LRBA: variants seen among roughly 807,000 people sequenced by gnomAD.
LRBA encodes LPS responsive beige-like anchor protein, also known as lipopolysaccharide-responsive and beige-like anchor protein.
LRBA carries 176 observed loss-of-function variants against 330.0 expected under a neutral mutation model. The ratio of observed to expected loss-of-function variants is 0.53; its 90% CI spans 0.47 to 0.60. The LOEUF (loss-of-function observed/expected upper bound fraction) is 0.60, where lower values mean the gene tolerates loss of function less well. LRBA is among the 20% of genes least tolerant of loss of function. LRBA has a pLI of 0.00. For synonymous variants in LRBA, 1,230 were observed against 1,193.0 expected (o/e 1.03, Z -0.64); for missense variants, 3,259 against 3,444.8 (o/e 0.95, Z 1.35).
At chr4:150,624,362 T>C (rs1581845170) in intron 37 of LRBA, among the ~76,000 whole-genome samples, 1 of 150,548 alleles carries the variant, frequency 6.6e-6, no homozygotes, top group African/African-American at 2.4e-5. Context: ...TGAGAGACTC[T>C]GTCTCAAAAT....
At chr4:150,827,125 G>A (rs995597540) in intron 30 of LRBA, among the ~76,000 whole-genome samples, 6 of 152,070 alleles carry the variant, frequency 3.9e-5, no homozygotes, top group African/African-American at 7.2e-5. Flanking sequence ...ACAATTTGAC[G>A]GAGACAAGAA....
intron 2 of LRBA, among the ~76,000 whole-genome samples, chr4:150,944,953 G>A (rs779794557): frequency 1.3e-5 from 2 of 152,160 alleles, no homozygotes; most frequent in Non-Finnish European, 1.5e-5. Flanking sequence ...CTTGCCTGCC[G>A]CATATAAGAC....
At chr4:150,267,099 T>C (rs1022036889) in intron 56 of LRBA, among the ~76,000 whole-genome samples, 2 of 152,174 alleles carry the variant, frequency 1.3e-5, no homozygotes, top group Non-Finnish European at 2.9e-5. Flanking sequence ...GTAATAGTTT[T>C]AGACGTCAAT....
intron 22 of LRBA, among the ~76,000 whole-genome samples, chr4:150,864,706 G>C (rs1014465126): frequency 2.7e-5 from 4 of 145,948 alleles, no homozygotes; most frequent in Non-Finnish European, 5.9e-5. Flanking sequence ...GAGTATAGTG[G>C]TATGATCTTG....
At chr4:150,387,845 T>A (rs984380771) in intron 47 of LRBA, among the ~76,000 whole-genome samples, 1 of 152,148 alleles carries the variant, frequency 6.6e-6, no homozygotes, top group Admixed American at 6.5e-5. Context: ...ATTACTAAAG[T>A]TACCTTTGGA....
At position 150,563,566 on chromosome 4, in the gene LRBA, T is replaced by A. The variant is rs370460451; in HGVS notation, c.6330+24482A>T. On this transcript the variant is annotated intron_variant, in intron 40 of 56. Coordinates refer to ENST00000651943, the MANE Select transcript of LRBA (RefSeq NM_001364905.1). ...AGGCAAGAGAAAGAAATAAAGCGTA[T>A]TCGAATAGGAAGAGAGAAAGTCAAA... Among the ~76,000 whole-genome samples the A allele has an allele frequency of 3.3e-5, 5 of 152,142 alleles. No individual in the cohort carries two copies. The East Asian group carries it at 9.6e-4, about 29-fold the overall frequency.
At chr4:150,516,924 T>G (rs564619756) in intron 40 of LRBA, among the ~76,000 whole-genome samples, 2 of 152,274 alleles carry the variant, frequency 1.3e-5, no homozygotes, top group Non-Finnish European at 2.9e-5. Context: ...ATTCCCACAT[T>G]TTTCATAGTG....
At chr4:150,904,473 G>A (rs1013782385) in intron 13 of LRBA, among the ~76,000 whole-genome samples, 4 of 152,050 alleles carry the variant, frequency 2.6e-5, no homozygotes, top group African/African-American at 9.7e-5. Context: ...TTATTAAAAA[G>A]TAGAAGATAA....
chr4:150,612,688 C>T (rs1424184580), intron 37 of LRBA, among the ~76,000 whole-genome samples: 3 of 152,036 alleles, frequency 2.0e-5, no homozygotes, highest in Admixed American at 6.6e-5. Context: ...TACCTGCTAC[C>T]GTGTGGAAAG....
At chr4:150,775,927 G>A (rs897883114) in intron 34 of LRBA, among the ~76,000 whole-genome samples, 1 of 151,030 alleles carries the variant, frequency 6.6e-6, no homozygotes, top group Non-Finnish European at 1.5e-5. Flanking sequence ...GGCAGAAGAG[G>A]AGAAAAGAGG....
chr4:150,527,991 T>C (rs1046155026), intron 40 of LRBA, among the ~76,000 whole-genome samples: 4 of 152,212 alleles, frequency 2.6e-5, no homozygotes, highest in African/African-American at 9.6e-5. Context: ...TAGGCATTAA[T>C]TCCTTTCTTT....
intron 36 of LRBA, among the ~76,000 whole-genome samples, chr4:150,713,293 G>A (rs1196461903): frequency 3.3e-5 from 5 of 152,100 alleles, no homozygotes. Context: ...GTACCATAAA[G>A]AAATATAATC....
intron 44 of LRBA, among the ~76,000 whole-genome samples, chr4:150,465,718 C>T (rs1755365327): frequency 6.6e-6 from 1 of 152,058 alleles, no homozygotes; most frequent in Non-Finnish European, 1.5e-5. Context: ...GGAGTCTCTA[C>T]AAATTCTTGA....
intron 23 of LRBA, among the ~76,000 whole-genome samples, 175 bp from the exon 24 acceptor site, chr4:150,851,077 C>T (rs1396820035): frequency 6.6e-6 from 1 of 152,094 alleles, no homozygotes; most frequent in East Asian, 1.9e-4. Flanking sequence ...CATTTTAGTA[C>T]ATGTAAGCAA....
chr4:150,647,963 C>T (rs1023071991), intron 37 of LRBA, among the ~76,000 whole-genome samples: 13 of 151,382 alleles, frequency 8.6e-5, no homozygotes, highest in African/African-American at 2.9e-4. Context: ...TAAATGTTTA[C>T]TATATTCAAT....
In LRBA at chr4:150,685,225, G is replaced by A. The variant is rs750682294; in HGVS notation, c.5755-1508C>T. Among the ~76,000 whole-genome samples the A allele has an allele frequency of 2.7e-5, 4 of 150,294 alleles. No individual in the cohort carries two copies. In the Admixed American group the frequency reaches 2.7e-4, roughly 10 times the overall value. On this transcript the variant is annotated intron_variant, in intron 36 of 56. Coordinates refer to ENST00000651943, the MANE Select transcript of LRBA (RefSeq NM_001364905.1). The stretch of plus-strand genomic sequence containing the variant: ...CAGATCAATCAAATTCTCAAGACCA[G>A]CCAACCCCTATGAGACTTTTTAAAG...
At position 150,285,937 on chromosome 4, in the gene LRBA, T is replaced by C; in HGVS notation, c.8115A>G (p.Ser2705=). The C allele has an allele frequency of 6.4e-7, 1 of 1,566,890 alleles. No individual in the cohort carries two copies. The highest frequency in any genetic ancestry group is 8.6e-7 in the Non-Finnish European group (1 of 1,161,144). Residue 2705 remains serine, a synonymous_variant, in exon 54 of 57, where the codon TCA becomes TCG. Transcript: ENST00000651943. ...GTGAAGGTACCACAGGTTTACCTTG[T>C]GAACCACTCAACACCAGGCCTAGCT... is the stretch of plus-strand genomic sequence containing the variant. The part of the protein sequence containing the change: ...CAELGLVLSG[S]QEGPCLIHSM...
rs1299926510 is a variant in LRBA at position 150,437,505 on chromosome 4, C to CTA, written c.6781-642_6781-641insTA. Among the ~76,000 whole-genome samples, 390 of 136,030 alleles carry CTA rather than the reference C, an allele frequency of 2.9e-3. 1 individual carries two copies. Among genetic ancestry groups the CTA allele is most frequent in the Non-Finnish European group, 5.5e-3 (329 of 60,114 alleles). The allele number at this position is 136,030 out of a possible 152,430, so 89.2% of individuals were successfully genotyped here. The stretch of plus-strand genomic sequence containing the variant: ...ATGCCGGCATGAACTCTCTCTCTCT[C>CTA]TCTATATATATATATTATAAAATTA... On this transcript the variant is annotated intron_variant, in intron 44 of 56. Transcript: ENST00000651943.
At chr4:150,811,881 C>A (rs1014685082) in intron 31 of LRBA, among the ~76,000 whole-genome samples, 2 of 152,084 alleles carry the variant, frequency 1.3e-5, no homozygotes, top group African/African-American at 4.8e-5. Flanking sequence ...ATTGTTACTT[C>A]TAAATAAAGC....
Sources: gnomAD v4.1 joint callset for allele counts (sites outside exome capture counted in the v4.1 genomes callset) on GRCh38, gnomAD v4.1.1 for gene constraint, MANE v1.5 for transcripts, NCBI Gene and HGNC (gene_info 2026-07-23, HGNC 2026-07-21) for gene names.